The following PDE6B variants were observed in gnomAD, a reference collection of about 807,000 sequenced individuals.
The protein encoded by PDE6B is phosphodiesterase 6B, also known as rod cGMP-specific 3',5'-cyclic phosphodiesterase subunit beta.
Under a neutral mutation model 109.0 loss-of-function variants are expected in PDE6B, and 106 were observed. That is an observed-to-expected ratio of 0.97 (90% CI 0.83 to 1.14). PDE6B has a LOEUF of 1.14. Among genes scored for constraint, PDE6B ranks in the 50% most tolerant of loss-of-function variants. PDE6B has a pLI of 0.00. For synonymous variants in PDE6B, 490 were observed against 471.3 expected (o/e 1.04, Z -0.51); for missense variants, 1,193 against 1,155.6 (o/e 1.03, Z -0.47).
chr4:646,676 C>A (rs899602462), intron 3 of PDE6B, among the ~76,000 whole-genome samples: 6 of 152,012 alleles, frequency 3.9e-5, no homozygotes, highest in African/African-American at 1.5e-4. Context: ...CTCCCGGCCC[C>A]CTTCCTCAGA....
intron 12 of PDE6B, among the ~76,000 whole-genome samples, chr4:660,965 G>GTACTTGGA (rs1736997489): frequency 6.7e-6 from 1 of 149,900 alleles, no homozygotes. Context: ...GATGCCAATG[G>GTACTTGGA]TAGTTGGATA....
intron 1 of PDE6B, 29 bp from the exon 2 acceptor site, chr4:634,648 T>A: frequency 1.2e-6 from 2 of 1,600,986 alleles, no homozygotes; most frequent in Non-Finnish European, 1.7e-6. Context: ...TGCGACAGCC[T>A]CTTTAGCCTC....
chr4:657,582 G>T lies in PDE6B; in HGVS notation c.1401+88G>T, dbSNP rs563385251. 7.1e-4 allele frequency: 986 copies of T among 1,380,312 alleles called. 4 individuals carry two copies. Among genetic ancestry groups the T allele is most frequent in the Non-Finnish European group, 8.2e-4 (811 of 983,128 alleles). 85.5% of individuals were successfully genotyped at this position (1,380,312 alleles called of 1,614,324 possible). ...CGTCCAGGGGTCACCCAGGGGTCTC[G>T]GCTGTGTGGTGGGGGCAGGTCATCC... On this transcript the variant is annotated intron_variant, in intron 10 of 21. Transcript: ENST00000496514.
chr4:659,602 T>A (rs1002355107), intron 11 of PDE6B, among the ~76,000 whole-genome samples: 6 of 145,680 alleles, frequency 4.1e-5, no homozygotes, highest in South Asian at 2.1e-4. Context: ...GGTATGTGTG[T>A]GCGTGTGTGC....
chr4:665,923 GGGCTTA>G lies in PDE6B; in HGVS notation c.2268+598_2269-599del, dbSNP rs774709202. ...GGCTCTCTGGAGCCTGCAGTGGAGA[GGGCTTA>G]GGCCAGGTGCAGCCTCGGCAGGAAA... On this transcript the variant is annotated intron_variant, in intron 19 of 21. Transcript: ENST00000496514. This position sits in a 1 kb window ranked among gnomAD's most constrained non-coding sequence, Gnocchi z 4.0. Among the ~76,000 whole-genome samples the G allele has an allele frequency of 2.4e-4, 37 of 152,192 alleles. No homozygotes were observed. Among genetic ancestry groups the G allele is most frequent in the Non-Finnish European group, 3.8e-4 (26 of 68,018 alleles).
intron 3 of PDE6B, chr4:653,279 ACCAAGGAGGCAGAGAAAGGTGGC>A: frequency 1.5e-5 from 15 of 1,026,794 alleles, no homozygotes; most frequent in Non-Finnish European, 1.8e-5. Flanking sequence ...CTGGGCCTTG[ACCAAGGAGGCAGAGAAAGGTGGC>A]CCAAGGAGGG....
intron 1 of PDE6B, among the ~76,000 whole-genome samples, chr4:629,602 C>T (rs1230389226): frequency 6.6e-6 from 1 of 152,260 alleles, no homozygotes; most frequent in East Asian, 1.9e-4. Context: ...TGCCCCAAAA[C>T]ACCTCATCAC....
In PDE6B at chr4:670,054, G is replaced by C. The variant is rs751311259; in HGVS notation, c.2512G>C (p.Glu838Gln). 9 of 1,613,038 alleles carry C rather than the reference G, an allele frequency of 5.6e-6. No individual in the cohort carries two copies. The South Asian group carries it at 9.9e-5, about 18-fold the overall frequency. Residue 838 changes from glutamate to glutamine, a missense_variant, in exon 22 of 22, where the codon GAA becomes CAA. By Grantham distance (29) the Glu-to-Gln change is conservative. Coordinates refer to ENST00000496514, the MANE Select transcript of PDE6B (RefSeq NM_000283.4). Reference protein sequence around the residue: ...ERVAAKKVGTEICNGGPAPKS... With the variant: ...ERVAAKKVGTQICNGGPAPKS... ...TCTGTCTTCTCTTGCAGTAGGCACA[G>C]AAATTTGCAATGGCGGCCCAGCACC... is the stretch of plus-strand genomic sequence containing the variant.
intron 1 of PDE6B, among the ~76,000 whole-genome samples, chr4:629,311 C>T (rs1189577357): frequency 2.0e-5 from 3 of 152,252 alleles, no homozygotes; most frequent in Admixed American, 1.3e-4. Flanking sequence ...CCCTTTGTGG[C>T]TCCTCAGACC....
intron 3 of PDE6B, among the ~76,000 whole-genome samples, chr4:649,727 C>A (rs1735400390): frequency 6.6e-6 from 1 of 152,198 alleles, no homozygotes; most frequent in South Asian, 2.1e-4. Context: ...CCTCCCACCA[C>A]AGCTATGGCC....
rs1737212373 is a variant in PDE6B at position 662,402 on chromosome 4, G to A, written c.1723-107G>A. ...GCACCGCGCACCCCAGCCCTGCGGT[G>A]GTCGGAGGTCCAACCTCCAACCCGA... On this transcript the variant is annotated intron_variant, in intron 13 of 21. Transcript: ENST00000496514. The surrounding 1 kb of genome is among the most constrained non-coding windows in gnomAD (Gnocchi z 4.3). 3 of 866,014 alleles carry A rather than the reference G, an allele frequency of 3.5e-6. No individual in the cohort carries two copies. The highest frequency in any genetic ancestry group is 1.4e-5 in the South Asian group (1 of 72,456). The allele number at this position is 866,014 out of a possible 1,614,324, so 53.6% of individuals were successfully genotyped here. A position where few individuals can be genotyped will look rare whatever the true frequency, so the allele number is the denominator to read the frequency against.
In PDE6B at chr4:662,217, C is replaced by G; in HGVS notation, c.1698C>G (p.Ala566=). The change falls in exon 13 of 22, where the codon GCC becomes GCG. Residue 566 remains alanine (A), a synonymous_variant. Coordinates refer to ENST00000496514, the MANE Select transcript of PDE6B (RefSeq NM_000283.4). The surrounding 1 kb of genome is among the most constrained non-coding windows in gnomAD (Gnocchi z 4.3). ...ACTGGCGCCACGGCTTCAACGTGGC[C>G]CAGACGATGTTCACGCTGCTCATGG... ...YHNWRHGFNV[A]QTMFTLLMTG... is the part of the protein sequence containing the mutation. 1 of 1,567,838 alleles carries G rather than the reference C, an allele frequency of 6.4e-7. No homozygotes were observed. Among genetic ancestry groups the G allele is most frequent in the Non-Finnish European group, 8.7e-7 (1 of 1,153,966 alleles).
chr4:647,217 T>C (rs1735249614), intron 3 of PDE6B, among the ~76,000 whole-genome samples: 1 of 151,938 alleles, frequency 6.6e-6, no homozygotes, highest in Non-Finnish European at 1.5e-5. Flanking sequence ...CACATCTGAG[T>C]CTGGTTCTGA....
Position 663,180 on chromosome 4 carries a change from C to G in PDE6B, c.1913C>G (p.Ser638Trp), listed in dbSNP as rs767873714. 1.9e-6 allele frequency: 3 copies of G among 1,587,380 alleles called. No individual in the cohort carries two copies. The highest frequency in any genetic ancestry group is 2.7e-5 in the African/African-American group (2 of 74,510). ...HHLEFGKFLLSEETLNIYQNL... is the reference protein window; with the variant it reads ...HHLEFGKFLLWEETLNIYQNL... ...CTGGAGTTTGGGAAGTTCCTGCTCT[C>G]GGAGGAGGTTGGTATACTCACCCTC... is the stretch of plus-strand genomic sequence containing the variant. Residue 638 changes from serine (S) to tryptophan (W), a missense_variant, in exon 15 of 22, where the codon TCG becomes TGG. Ser to Trp is a radical substitution (Grantham distance 177). Coordinates refer to ENST00000496514, the MANE Select transcript of PDE6B (RefSeq NM_000283.4). This position sits in a 1 kb window ranked among gnomAD's most constrained non-coding sequence, Gnocchi z 4.0.
intron 3 of PDE6B, among the ~76,000 whole-genome samples, chr4:640,517 C>T (rs554175937): frequency 1.8e-4 from 27 of 152,120 alleles, no homozygotes; most frequent in South Asian, 6.2e-4. Flanking sequence ...CCAGCCTGGA[C>T]GACAGAGTGA....
chr4:625,963 G>A lies in PDE6B; in HGVS notation c.337G>A (p.Val113Met), dbSNP rs755871033. ...CGAGCTGGCCACCAGGCTTTTCAGC[G>A]TGCAGCCGGACAGCGTCCTGGAGGA... The part of the protein sequence containing the change: ...VAELATRLFS[V>M]QPDSVLEDCL... Residue 113 changes from valine to methionine, a missense_variant, in exon 1 of 22, where the codon GTG (valine) becomes ATG (methionine). Physicochemically the swap from Val to Met is conservative, Grantham distance 21 (BLOSUM62 1). Coordinates refer to ENST00000496514, the MANE Select transcript of PDE6B (RefSeq NM_000283.4). The surrounding 1 kb of genome is among the most constrained non-coding windows in gnomAD (Gnocchi z 5.0). 1.9e-5 allele frequency: 30 copies of A among 1,585,672 alleles called. No individual in the cohort carries two copies. Among genetic ancestry groups the A allele is most frequent in the Admixed American group, 1.2e-4 (7 of 56,070 alleles).
chr4:656,774 C>G, intron 8 of PDE6B, 100 bp from the exon 9 acceptor site: 1 of 1,111,696 alleles, frequency 9.0e-7, no homozygotes, highest in Non-Finnish European at 1.4e-6. Flanking sequence ...CCAGCCGTCA[C>G]GGCTCTAGGG....
Position 656,918 on chromosome 4 carries a change from GT to G in PDE6B, c.1153del (p.Ser385ProfsTer37). On this transcript the variant is annotated frameshift_variant, in exon 9 of 22. Coordinates refer to ENST00000496514, the MANE Select transcript of PDE6B (RefSeq NM_000283.4). LOFTEE classifies it high-confidence loss of function. ...DSGWLIKNVL[S>X]MPIVNKKEEI... ...CCGGGTGGCTCATCAAGAATGTGCT[GT>G]CCATGCCCATCGTCAACAAGAAGGA... 6.2e-7 allele frequency: 1 copy of G among 1,612,934 alleles called. No homozygotes were observed. The highest frequency in any genetic ancestry group is 8.5e-7 in the Non-Finnish European group (1 of 1,179,836).
In PDE6B at chr4:662,234, T is replaced by C; in HGVS notation, c.1715T>C (p.Leu572Pro). 1 of 1,544,034 alleles carries C rather than the reference T, an allele frequency of 6.5e-7. No individual in the cohort carries two copies. Among genetic ancestry groups the C allele is most frequent in the Non-Finnish European group, 8.8e-7 (1 of 1,134,508 alleles). The change falls in exon 13 of 22, where the codon CTG becomes CCG. Residue 572 changes from leucine (L) to proline (P), a missense_variant. By Grantham distance (98) the Leu-to-Pro change is moderately conservative (BLOSUM62 -3). Coordinates refer to ENST00000496514, the MANE Select transcript of PDE6B (RefSeq NM_000283.4). The surrounding 1 kb of genome is among the most constrained non-coding windows in gnomAD (Gnocchi z 4.3). ...GFNVAQTMFT[L>P]LMTGKLKSYY... ...AACGTGGCCCAGACGATGTTCACGC[T>C]GCTCATGGTACGTGGCTGCCAGAAT... is the stretch of plus-strand genomic sequence containing the variant.
Sources: allele counts gnomAD v4.1 joint callset (sites outside exome capture counted in the v4.1 genomes callset), GRCh38; gene constraint gnomAD v4.1.1; non-coding constraint Gnocchi (gnomAD v3.1); transcripts MANE v1.5; gene names NCBI Gene and HGNC (gene_info 2026-07-23, HGNC 2026-07-21).